The following SLC5A3 variants were observed in gnomAD, a reference collection of about 807,000 sequenced individuals.
The protein encoded by SLC5A3 is sodium/myo-inositol cotransporter.
A neutral mutation model predicts 43.2 loss-of-function variants in SLC5A3; 10 were observed. That is an observed-to-expected ratio of 0.23 (90% CI 0.14 to 0.39). SLC5A3 has a LOEUF of 0.39. SLC5A3 is among the 10% of genes least tolerant of loss of function. The pLI is 1.00. For missense variants in SLC5A3, 608 were observed against 893.4 expected (o/e 0.68, Z 4.07); for synonymous variants, 349 against 322.0 (o/e 1.08, Z -0.90).
At position 34,100,281 on chromosome 21, in the gene SLC5A3, A is replaced by G; in HGVS notation, c.*2926A>G. 1 of 1,000,226 alleles carries G rather than the reference A, an allele frequency of 1.0e-6. No homozygotes were observed. Among genetic ancestry groups the G allele is most frequent in the Non-Finnish European group, 1.2e-6 (1 of 829,954 alleles). 62.0% of individuals were successfully genotyped at this position (1,000,226 alleles called of 1,614,324 possible). On this transcript the variant is annotated 3_prime_UTR_variant, in exon 2 of 2. Transcript: ENST00000381151. ...TCTCAAGATCTGATGAGAAGGGCAT[A>G]TTACATTGGTATGCAGGATGATTAT...
intron 1 of SLC5A3, among the ~76,000 whole-genome samples, chr21:34,086,108 A>G (rs1978359598): frequency 1.3e-5 from 2 of 152,036 alleles, no homozygotes; most frequent in Non-Finnish European, 2.9e-5. Context: ...CCCACTCTTT[A>G]CCTTTCCGGA....
intron 1 of SLC5A3, among the ~76,000 whole-genome samples, chr21:34,086,861 G>T (rs1978414602): frequency 6.6e-6 from 1 of 152,170 alleles, no homozygotes; most frequent in Non-Finnish European, 1.5e-5. Flanking sequence ...TGACATCAGG[G>T]TGCTTGGGTT....
At chr21:34,089,158 G>A (rs1244711929) in intron 1 of SLC5A3, among the ~76,000 whole-genome samples, 1 of 151,752 alleles carries the variant, frequency 6.6e-6, no homozygotes, top group East Asian at 1.9e-4. Flanking sequence ...CTCCTGAGTA[G>A]CTGGGATTAC....
intron 1 of SLC5A3, among the ~76,000 whole-genome samples, chr21:34,084,485 A>G (rs1000517518): frequency 3.3e-5 from 5 of 152,200 alleles, no homozygotes; most frequent in Non-Finnish European, 1.5e-5. Flanking sequence ...ATGAGTTGAT[A>G]ATAATGCCTA....
At chr21:34,091,366 TA>T (rs888949645) in intron 1 of SLC5A3, among the ~76,000 whole-genome samples, 91 of 152,290 alleles carry the variant, frequency 6.0e-4, no homozygotes, top group African/African-American at 2.1e-3. Context: ...TTTATTTTAT[TA>T]TTTTTTTGAT....
intron 1 of SLC5A3, among the ~76,000 whole-genome samples, chr21:34,077,062 C>G (rs998894669): frequency 1.3e-4 from 20 of 152,168 alleles, no homozygotes; most frequent in Admixed American, 1.1e-3. Context: ...ACCCTGCCCC[C>G]CCTGCAATGA....
intron 1 of SLC5A3, among the ~76,000 whole-genome samples, chr21:34,082,195 T>C (rs576571403): frequency 7.9e-5 from 12 of 152,318 alleles, no homozygotes; most frequent in African/African-American, 2.6e-4. Flanking sequence ...GTAAATCTCT[T>C]AGCATTTATG....
chr21:34,099,546 T>C lies in SLC5A3; in HGVS notation c.*2191T>C, dbSNP rs117475305. The C allele has an allele frequency of 3.0e-6, 3 of 999,892 alleles. No homozygotes were observed. The highest frequency in any genetic ancestry group is 4.7e-5 in the South Asian group (1 of 21,284). 61.9% of individuals were successfully genotyped at this position (999,892 alleles called of 1,614,324 possible). A position where few individuals can be genotyped will look rare whatever the true frequency, so the allele number is the denominator to read the frequency against. On this transcript the variant is annotated 3_prime_UTR_variant, in exon 2 of 2. Transcript: ENST00000381151. ...GTGTAATTCACTGATAATTGACATA[T>C]TGGCTGGGCAGCCTATCTCTTCCAT... is the stretch of plus-strand genomic sequence containing the variant.
Position 34,101,887 on chromosome 21 carries a change from T to TA in SLC5A3, c.*4533dup, listed in dbSNP as rs1979253393. The TA allele has an allele frequency of 1.0e-6, 1 of 1,000,058 alleles. No individual in the cohort carries two copies. The highest frequency in any genetic ancestry group is 1.7e-5 in the African/African-American group (1 of 57,232). The allele number at this position is 1,000,058 out of a possible 1,614,324, so 61.9% of individuals were successfully genotyped here. On this transcript the variant is annotated 3_prime_UTR_variant, in exon 2 of 2. Coordinates refer to ENST00000381151, the MANE Select transcript of SLC5A3 (RefSeq NM_006933.7). ...TTTTCAAAAATTAGGGAGAGAGCAGTAGTGATCATTTATGTGAGCCCCTTT... is the reference window on the plus strand; with the variant it reads ...TTTTCAAAAATTAGGGAGAGAGCAGTAAGTGATCATTTATGTGAGCCCCTTT...
In SLC5A3 at chr21:34,073,644, C is replaced by G; in HGVS notation, c.-438C>G. 6.8e-7 allele frequency: 1 copy of G among 1,463,156 alleles called. No homozygotes were observed. The highest frequency in any genetic ancestry group is 9.3e-7 in the Non-Finnish European group (1 of 1,078,638). 90.6% of individuals were successfully genotyped at this position (1,463,156 alleles called of 1,614,324 possible). On this transcript the variant is annotated 5_prime_UTR_variant, in exon 1 of 2. Coordinates refer to ENST00000381151, the MANE Select transcript of SLC5A3 (RefSeq NM_006933.7). ...GTCCCCACTGTCCCCGCCGTCCCGC[C>G]CCTTCGCGTCCCGGGAACCGGCTGG...
intron 1 of SLC5A3, among the ~76,000 whole-genome samples, chr21:34,092,955 G>A (rs1019874268): frequency 6.6e-6 from 1 of 152,162 alleles, no homozygotes; most frequent in African/African-American, 2.4e-5. Context: ...TGGAGGCAGG[G>A]TTTCATAACT....
In SLC5A3 at chr21:34,100,631, C is replaced by T; in HGVS notation, c.*3276C>T. 1 of 1,000,156 alleles carries T rather than the reference C, an allele frequency of 1.0e-6. No individual in the cohort carries two copies. The allele number at this position is 1,000,156 out of a possible 1,614,324, so 62.0% of individuals were successfully genotyped here. On this transcript the variant is annotated 3_prime_UTR_variant, in exon 2 of 2. Transcript: ENST00000381151. ...ATACCTCAAGAAATTAGCTGGGACC[C>T]ATCACTCTGTGAAACTTCACATTTT...
chr21:34,104,610 T>A lies in SLC5A3; in HGVS notation c.*7255T>A, dbSNP rs1979396777. 1.0e-6 allele frequency: 1 copy of A among 1,000,106 alleles called. No homozygotes were observed. Among genetic ancestry groups the A allele is most frequent in the Non-Finnish European group, 1.2e-6 (1 of 829,982 alleles). The allele number at this position is 1,000,106 out of a possible 1,614,324, so 62.0% of individuals were successfully genotyped here. ...TTTTAGAAGAGTTAACCTGAACACTTTGAGGGAGAGATTATTCTTGCCAGC... is the reference window on the plus strand; with the variant it reads ...TTTTAGAAGAGTTAACCTGAACACTATGAGGGAGAGATTATTCTTGCCAGC... On this transcript the variant is annotated 3_prime_UTR_variant, in exon 2 of 2. Transcript: ENST00000381151.
Position 34,102,342 on chromosome 21 carries a change from C to G in SLC5A3, c.*4987C>G. 1 of 999,378 alleles carries G rather than the reference C, an allele frequency of 1.0e-6. No homozygotes were observed. Among genetic ancestry groups the G allele is most frequent in the Non-Finnish European group, 1.2e-6 (1 of 829,328 alleles). 61.9% of individuals were successfully genotyped at this position (999,378 alleles called of 1,614,324 possible). On this transcript the variant is annotated 3_prime_UTR_variant, in exon 2 of 2. Coordinates refer to ENST00000381151, the MANE Select transcript of SLC5A3 (RefSeq NM_006933.7). ...ATAAGGCTTTAAATTACTGATTCAC[C>G]TTTAAAGGAATGTTGTGAGAATTGA...
chr21:34,098,697 C>T lies in SLC5A3; in HGVS notation c.*1342C>T, dbSNP rs1406123182. The T allele has an allele frequency of 1.0e-6, 1 of 1,000,038 alleles. No homozygotes were observed. Among genetic ancestry groups the T allele is most frequent in the Admixed American group, 6.2e-5 (1 of 16,240 alleles). The allele number at this position is 1,000,038 out of a possible 1,614,324, so 61.9% of individuals were successfully genotyped here. ...GTAGTGTGTCTTGTGGAGGGTATTACAGGACTGTGTAATTATAGGACTCTA... is the reference window on the plus strand; with the variant it reads ...GTAGTGTGTCTTGTGGAGGGTATTATAGGACTGTGTAATTATAGGACTCTA... On this transcript the variant is annotated 3_prime_UTR_variant, in exon 2 of 2. Coordinates refer to ENST00000381151, the MANE Select transcript of SLC5A3 (RefSeq NM_006933.7).
chr21:34,076,179 T>C (rs752896967), intron 1 of SLC5A3, among the ~76,000 whole-genome samples: 13 of 152,238 alleles, frequency 8.5e-5, no homozygotes, highest in Non-Finnish European at 1.8e-4. Context: ...TTCCAGCCTT[T>C]GGACTCCCAG....
Position 34,098,362 on chromosome 21 carries a change from G to A in SLC5A3, c.*1007G>A, listed in dbSNP as rs2148660296. 1.0e-6 allele frequency: 1 copy of A among 1,000,166 alleles called. No homozygotes were observed. The highest frequency in any genetic ancestry group is 4.7e-5 in the South Asian group (1 of 21,278). The allele number at this position is 1,000,166 out of a possible 1,614,324, so 62.0% of individuals were successfully genotyped here. A position where few individuals can be genotyped will look rare whatever the true frequency, so the allele number is the denominator to read the frequency against. On this transcript the variant is annotated 3_prime_UTR_variant, in exon 2 of 2. Coordinates refer to ENST00000381151, the MANE Select transcript of SLC5A3 (RefSeq NM_006933.7). The stretch of plus-strand genomic sequence containing the variant: ...AAAATTGACGCTGCCTTTGTGTGCT[G>A]GATTGCTCTACTTGATTAGATCATG...
chr21:34,104,462 A>G lies in SLC5A3; in HGVS notation c.*7107A>G. ...TGTGTTAAAAGATGTAATTCTCAGA[A>G]TGGGAGAGAAATGACTACCTTTGTT... On this transcript the variant is annotated 3_prime_UTR_variant, in exon 2 of 2. Transcript: ENST00000381151. The G allele has an allele frequency of 1.0e-6, 1 of 999,264 alleles. No homozygotes were observed. 61.9% of individuals were successfully genotyped at this position (999,264 alleles called of 1,614,324 possible).
rs1220426738 is a variant in SLC5A3 at position 34,097,750 on chromosome 21, T to C, written c.*395T>C. On this transcript the variant is annotated 3_prime_UTR_variant, in exon 2 of 2. Coordinates refer to ENST00000381151, the MANE Select transcript of SLC5A3 (RefSeq NM_006933.7). ...GATTTGCTCATTTCTAAATTTTTTTTTCTGTCTCTGTAATCCCTCCTACCA... is the reference window on the plus strand; with the variant it reads ...GATTTGCTCATTTCTAAATTTTTTTCTCTGTCTCTGTAATCCCTCCTACCA... The C allele has an allele frequency of 9.9e-7, 1 of 1,005,340 alleles. No homozygotes were observed. Among genetic ancestry groups the C allele is most frequent in the Admixed American group, 6.0e-5 (1 of 16,738 alleles). 62.3% of individuals were successfully genotyped at this position (1,005,340 alleles called of 1,614,324 possible).
Sources: gnomAD v4.1 joint callset for allele counts (sites outside exome capture counted in the v4.1 genomes callset) on GRCh38, gnomAD v4.1.1 for gene constraint, MANE v1.5 for transcripts, NCBI Gene and HGNC (gene_info 2026-07-23, HGNC 2026-07-21) for gene names.